The following PCDHA7 variants were observed in gnomAD, a reference collection of about 807,000 sequenced individuals.
The protein encoded by PCDHA7 is protocadherin alpha 7.
In PCDHA7, 37 loss-of-function variants were observed where a neutral mutation model predicts 57.2. That is an observed-to-expected ratio of 0.65 (90% CI 0.50 to 0.85). The LOEUF (loss-of-function observed/expected upper bound fraction) is 0.85, where lower values mean the gene tolerates loss of function less well. Ranked by LOEUF, PCDHA7 falls within the 40% of genes least tolerant of loss-of-function variation. The pLI is 0.00. For missense variants in PCDHA7, 1,188 were observed against 1,241.8 expected (o/e 0.96, Z 0.65); for synonymous variants, 553 against 558.8 (o/e 0.99, Z 0.15).
chr5:140,950,671 A>G (rs1222424193), intron 1 of PCDHA7, among the ~76,000 whole-genome samples: 2 of 152,074 alleles, frequency 1.3e-5, no homozygotes, highest in Non-Finnish European at 2.9e-5. Context: ...TCAAACATGT[A>G]CATGTATATT....
At chr5:140,870,929 A>C in intron 1 of PCDHA7, 3 of 1,613,868 alleles carry the variant, frequency 1.9e-6, no homozygotes, top group Non-Finnish European at 2.5e-6. Context: ...CTTTCATATG[A>C]ATTGCAGCCG....
Position 140,893,829 on chromosome 5 carries a change from A to G in PCDHA7, c.2355+57091A>G, listed in dbSNP as rs528174798. On this transcript the variant is annotated intron_variant, in intron 1 of 3. Transcript: ENST00000525929. ...TTGAGTCTGGTACCGTAGACTACTC[A>G]GCCATCCTGATGCCCTACCTCTTGT... Among the ~76,000 whole-genome samples the G allele has an allele frequency of 2.0e-5, 3 of 152,296 alleles. No homozygotes were observed. The South Asian group carries it at 6.2e-4, about 32-fold the overall frequency.
intron 2 of PCDHA7, among the ~76,000 whole-genome samples, chr5:140,979,831 A>G (rs1401761792): frequency 5.3e-5 from 8 of 152,236 alleles, no homozygotes; most frequent in African/African-American, 1.9e-4. Context: ...TTAAAGAAGA[A>G]ATAATCTTCA....
chr5:140,904,707 C>T (rs561558058), intron 1 of PCDHA7, among the ~76,000 whole-genome samples: 1 of 152,244 alleles, frequency 6.6e-6, no homozygotes, highest in African/African-American at 2.4e-5. Context: ...TCCCTTTTCA[C>T]CACATTCTGG....
chr5:140,837,274 A>G (rs1774994137), intron 1 of PCDHA7: 1 of 152,032 alleles, frequency 6.6e-6, no homozygotes, highest in South Asian at 2.1e-4. Context: ...TGTAGCACTG[A>G]CTTCTTTTTA....
chr5:140,896,583 G>T (rs557774521), intron 1 of PCDHA7, among the ~76,000 whole-genome samples: 1 of 151,654 alleles, frequency 6.6e-6, no homozygotes, highest in South Asian at 2.1e-4. Context: ...TGACGTGTTG[G>T]CCAGGCTGGT....
chr5:140,892,477 A>G (rs2063535340), intron 1 of PCDHA7, among the ~76,000 whole-genome samples: 1 of 152,220 alleles, frequency 6.6e-6, no homozygotes, highest in South Asian at 2.1e-4. Context: ...TCAGTTTCCT[A>G]GCCAAACATG....
At chr5:140,851,891 A>T (rs1554145590) in intron 1 of PCDHA7, 4 of 976,308 alleles carry the variant, frequency 4.1e-6, no homozygotes, top group East Asian at 1.1e-4. Flanking sequence ...TGGATATGAG[A>T]TTTGCCTCTT....
intron 1 of PCDHA7, among the ~76,000 whole-genome samples, chr5:140,940,100 C>T (rs536415343): frequency 6.6e-6 from 1 of 152,094 alleles, no homozygotes; most frequent in South Asian, 2.1e-4. Flanking sequence ...AAACTTTTAG[C>T]GTTATGTATT....
rs2055991111 is a variant in PCDHA7 at position 140,875,957 on chromosome 5, T to C, written c.2355+39219T>C. 1.1e-5 allele frequency: 17 copies of C among 1,614,050 alleles called. No individual in the cohort carries two copies. The highest frequency in any genetic ancestry group is 1.4e-5 in the Non-Finnish European group (16 of 1,180,000). ...CTAGAGGGCGCTTCTGATGCGGATA[T>C]CGGCGTAAACTCTCTTTTGACCTAT... On this transcript the variant is annotated intron_variant, in intron 1 of 3. Coordinates refer to ENST00000525929, the MANE Select transcript of PCDHA7 (RefSeq NM_018910.3).
At chr5:140,860,638 CGAA>C (rs2046489260) in intron 1 of PCDHA7, 1 of 152,104 alleles carries the variant, frequency 6.6e-6, no homozygotes, top group African/African-American at 2.4e-5. Context: ...GAATCAGGAA[CGAA>C]GAAGATAAGT....
chr5:140,879,838 A>G (rs73793511), intron 1 of PCDHA7, among the ~76,000 whole-genome samples: 3,913 of 152,230 alleles, frequency 0.026, 159 homozygotes, highest in African/African-American at 0.089. Flanking sequence ...TTGTGGCTGT[A>G]CCACTCCCAT....
chr5:140,884,183 G>A (rs201206731), intron 1 of PCDHA7: 1 of 1,613,424 alleles, frequency 6.2e-7, no homozygotes, highest in Non-Finnish European at 8.5e-7. Flanking sequence ...CCCTCTGGAC[G>A]AGGTGGACGC....
chr5:141,006,338 A>G (rs1201287903), intron 3 of PCDHA7, among the ~76,000 whole-genome samples: 13 of 151,820 alleles, frequency 8.6e-5, no homozygotes, highest in African/African-American at 3.1e-4. Flanking sequence ...CAGCCTCCTG[A>G]GTAGCTGGGA....
At chr5:140,898,062 T>G (rs2066502065) in intron 1 of PCDHA7, among the ~76,000 whole-genome samples, 1 of 152,110 alleles carries the variant, frequency 6.6e-6, no homozygotes, top group African/African-American at 2.4e-5. Flanking sequence ...TAAATTTGTT[T>G]GAGTTCATTG....
chr5:140,942,990 C>T (rs1460211642), intron 1 of PCDHA7, among the ~76,000 whole-genome samples: 4 of 151,892 alleles, frequency 2.6e-5, no homozygotes, highest in Non-Finnish European at 5.9e-5. Context: ...GGTGTGGTGG[C>T]TCATGCCTGT....
At chr5:140,856,540 C>T (rs1554148838) in intron 1 of PCDHA7, 1 of 1,598,278 alleles carries the variant, frequency 6.3e-7, no homozygotes, top group Non-Finnish European at 8.6e-7. Context: ...TTGGAGAGAA[C>T]GCATTGCTTA....
intron 1 of PCDHA7, among the ~76,000 whole-genome samples, chr5:140,970,168 G>T (rs1050888983): frequency 6.6e-6 from 1 of 152,168 alleles, no homozygotes; most frequent in Non-Finnish European, 1.5e-5. Context: ...ACCTTTCTTG[G>T]CATACTCTGA....
At chr5:140,955,385 G>A (rs1416235573) in intron 1 of PCDHA7, among the ~76,000 whole-genome samples, 4 of 152,216 alleles carry the variant, frequency 2.6e-5, no homozygotes, top group South Asian at 4.1e-4. Flanking sequence ...GAATCATGGG[G>A]GCAATTATCC....
Sources: allele counts gnomAD v4.1 joint callset (sites outside exome capture counted in the v4.1 genomes callset), GRCh38; gene constraint gnomAD v4.1.1; transcripts MANE v1.5; gene names NCBI Gene and HGNC (gene_info 2026-07-23, HGNC 2026-07-21).